Variants in LHFPL3 observed in about 807,000 individuals in gnomAD.
LHFPL3 encodes LHFPL tetraspan subfamily member 3 protein.
Under a neutral mutation model 19.3 loss-of-function variants are expected in LHFPL3, and 5 were observed. The ratio of observed to expected loss-of-function variants is 0.26; its 90% CI spans 0.14 to 0.54. The LOEUF is 0.54. Ranked by LOEUF, LHFPL3 falls within the 20% of genes least tolerant of loss-of-function variation. The pLI, the probability that LHFPL3 is intolerant of heterozygous loss-of-function variation, is 0.94. For synonymous variants in LHFPL3, 133 were observed against 126.2 expected (o/e 1.05, Z -0.36); for missense variants, 249 against 307.4 (o/e 0.81, Z 1.42).
intron 2 of LHFPL3, among the ~76,000 whole-genome samples, chr7:104,808,890 CTTTTTT>C (rs151212974): frequency 1.3e-5 from 1 of 77,212 alleles, no homozygotes. Context: ...ATGATAGATC[CTTTTTT>C]TTTTTTTTTT....
At chr7:104,470,965 G>T (rs961702616) in intron 1 of LHFPL3, among the ~76,000 whole-genome samples, 11 of 152,024 alleles carry the variant, frequency 7.2e-5, no homozygotes, top group Admixed American at 2.0e-4. Context: ...TCACAGAGAG[G>T]TTATTCCCAT....
chr7:104,845,197 A>C (rs1458623095), intron 2 of LHFPL3, among the ~76,000 whole-genome samples: 1 of 152,200 alleles, frequency 6.6e-6, no homozygotes, highest in Non-Finnish European at 1.5e-5. Flanking sequence ...TAAAGTATGA[A>C]CCAGGCAGTC....
intron 1 of LHFPL3, among the ~76,000 whole-genome samples, chr7:104,374,034 C>T (rs189628225): frequency 6.0e-4 from 91 of 152,182 alleles, no homozygotes; most frequent in African/African-American, 1.9e-3. Context: ...TAAATAAAAC[C>T]CGTCTGATGA....
rs1584611010 is a variant in LHFPL3 at position 104,906,895 on chromosome 7, T to C, written c.*680T>C. On this transcript the variant is annotated 3_prime_UTR_variant, in exon 3 of 3. Transcript: ENST00000424859. ...CAAGTTATTACTGAGAAAGTGTTTATGCCATATACTATTACTCCATCAAGC... is the reference window on the plus strand; with the variant it reads ...CAAGTTATTACTGAGAAAGTGTTTACGCCATATACTATTACTCCATCAAGC... The C allele has an allele frequency of 6.6e-6, 1 of 152,636 alleles. No homozygotes were observed. Among genetic ancestry groups the C allele is most frequent in the East Asian group, 1.9e-4 (1 of 5,200 alleles). 9.5% of individuals were successfully genotyped at this position (152,636 alleles called of 1,614,324 possible).
chr7:104,773,938 G>A (rs1054467636), intron 2 of LHFPL3, among the ~76,000 whole-genome samples: 4 of 152,174 alleles, frequency 2.6e-5, no homozygotes, highest in Admixed American at 6.5e-5. Flanking sequence ...TAAGCCACCC[G>A]GGTTGTGGTA....
chr7:104,551,114 T>G (rs1013841666), intron 1 of LHFPL3, among the ~76,000 whole-genome samples: 5 of 129,974 alleles, frequency 3.8e-5, no homozygotes, highest in Non-Finnish European at 8.0e-5. Context: ...CTCATCCTTG[T>G]GTACACACAC....
intron 2 of LHFPL3, among the ~76,000 whole-genome samples, chr7:104,770,920 C>G (rs1198030129): frequency 1.3e-5 from 2 of 152,218 alleles, no homozygotes; most frequent in Admixed American, 6.5e-5. Flanking sequence ...TCCCCTGTAG[C>G]ATGTCAGTTT....
At chr7:104,503,250 A>G (rs2115738854) in intron 1 of LHFPL3, among the ~76,000 whole-genome samples, 1 of 152,330 alleles carries the variant, frequency 6.6e-6, no homozygotes, top group Non-Finnish European at 1.5e-5. Context: ...GTTAAAAAGC[A>G]GAATGAACAA....
intron 2 of LHFPL3, among the ~76,000 whole-genome samples, chr7:104,810,479 G>A (rs1790442210): frequency 1.3e-5 from 2 of 152,164 alleles, no homozygotes; most frequent in Non-Finnish European, 1.5e-5. Flanking sequence ...AAGAACTGAG[G>A]AGAGAGGGTC....
At chr7:104,675,036 A>C (rs1792565358) in intron 1 of LHFPL3, among the ~76,000 whole-genome samples, 1 of 152,252 alleles carries the variant, frequency 6.6e-6, no homozygotes, top group Non-Finnish European at 1.5e-5. Context: ...TTTGATGCGA[A>C]AAACTAGACA....
intron 1 of LHFPL3, among the ~76,000 whole-genome samples, chr7:104,562,651 T>C (rs1217511116): frequency 1.3e-5 from 2 of 151,888 alleles, no homozygotes; most frequent in Non-Finnish European, 2.9e-5. Flanking sequence ...CTCAGAGTAA[T>C]TTGGTCGTCT....
chr7:104,792,104 C>T (rs1347408494), intron 2 of LHFPL3, among the ~76,000 whole-genome samples: 2 of 152,156 alleles, frequency 1.3e-5, no homozygotes, highest in Admixed American at 6.5e-5. Flanking sequence ...ACAGAGATTT[C>T]CTAGCAGTGT....
chr7:104,430,388 A>ATATATACG, intron 1 of LHFPL3, among the ~76,000 whole-genome samples: 1 of 50,048 alleles, frequency 2.0e-5, no homozygotes, highest in East Asian at 4.6e-4. Context: ...ATATACATAT[A>ATATATACG]TATATATATA....
intron 1 of LHFPL3, among the ~76,000 whole-genome samples, chr7:104,421,079 T>C (rs922028996): frequency 6.6e-6 from 1 of 152,126 alleles, no homozygotes; most frequent in Non-Finnish European, 1.5e-5. Flanking sequence ...ATAAGGAGAC[T>C]GGCAGAGAGA....
chr7:104,660,491 CTA>C (rs1294481478), intron 1 of LHFPL3, among the ~76,000 whole-genome samples: 1 of 152,198 alleles, frequency 6.6e-6, no homozygotes, highest in East Asian at 1.9e-4. Context: ...CCTGTTTGTA[CTA>C]TGTCACGTTG....
chr7:104,550,117 C>G (rs143950305), intron 1 of LHFPL3, among the ~76,000 whole-genome samples: 30 of 152,276 alleles, frequency 2.0e-4, no homozygotes, highest in African/African-American at 7.2e-4. Context: ...ACTGCAGAAA[C>G]CCTTTTTGCT....
intron 1 of LHFPL3, among the ~76,000 whole-genome samples, chr7:104,622,738 A>C (rs1252248276): frequency 1.3e-5 from 2 of 152,202 alleles, no homozygotes; most frequent in Non-Finnish European, 2.9e-5. Flanking sequence ...AATATTTTCA[A>C]GGGTCATAAA....
At chr7:104,571,380 G>A (rs1790227471) in intron 1 of LHFPL3, among the ~76,000 whole-genome samples, 1 of 151,950 alleles carries the variant, frequency 6.6e-6, no homozygotes, top group African/African-American at 2.4e-5. Flanking sequence ...AATAGTCAGT[G>A]GCAAAGGATG....
At chr7:104,881,945 A>G (rs957200390) in intron 2 of LHFPL3, among the ~76,000 whole-genome samples, 2 of 152,200 alleles carry the variant, frequency 1.3e-5, no homozygotes, top group Non-Finnish European at 2.9e-5. Context: ...TAAATTAAGT[A>G]TGTATATTTT....
Sources: allele counts gnomAD v4.1 joint callset (sites outside exome capture counted in the v4.1 genomes callset), GRCh38; gene constraint gnomAD v4.1.1; transcripts MANE v1.5; gene names NCBI Gene and HGNC (gene_info 2026-07-23, HGNC 2026-07-21).